GRIP1: variants seen among roughly 807,000 people sequenced by gnomAD.
GRIP1 encodes glutamate receptor-interacting protein 1.
GRIP1 carries 45 observed loss-of-function variants against 129.9 expected under a neutral mutation model. The ratio of observed to expected loss-of-function variants is 0.35; its 90% CI spans 0.27 to 0.44. The LOEUF is 0.44. GRIP1 is among the 20% of genes least tolerant of loss of function. GRIP1 has a pLI of 1.00. For missense variants in GRIP1, 1,196 were observed against 1,396.8 expected (o/e 0.86, Z 2.29); for synonymous variants, 530 against 520.8 (o/e 1.02, Z -0.24).
intron 1 of GRIP1, among the ~76,000 whole-genome samples, chr12:67,031,331 G>A (rs925251099): frequency 6.6e-6 from 1 of 152,146 alleles, no homozygotes; most frequent in African/African-American, 2.4e-5. Context: ...ACAAAATCCT[G>A]TTCCTGTATC....
intron 1 of GRIP1, among the ~76,000 whole-genome samples, chr12:66,993,054 C>T (rs553018314): frequency 1.4e-4 from 21 of 151,310 alleles, no homozygotes; most frequent in African/African-American, 4.4e-4. Flanking sequence ...GCGGACATTG[C>T]AGTGAGCTGA....
intron 1 of GRIP1, among the ~76,000 whole-genome samples, chr12:67,007,714 A>G (rs1046337395): frequency 4.6e-5 from 7 of 152,292 alleles, no homozygotes; most frequent in African/African-American, 1.7e-4. Flanking sequence ...CATCCCTGCC[A>G]CCACAGGAAA....
At chr12:66,382,714 T>A (rs2137413719) in intron 19 of GRIP1, among the ~76,000 whole-genome samples, 1 of 152,242 alleles carries the variant, frequency 6.6e-6, no homozygotes, top group Non-Finnish European at 1.5e-5. Flanking sequence ...CTCTTAAGTA[T>A]CAGATACTAT....
chr12:66,487,198 T>C (rs536816913), intron 7 of GRIP1, among the ~76,000 whole-genome samples: 3 of 152,250 alleles, frequency 2.0e-5, no homozygotes, highest in Admixed American at 2.0e-4. Context: ...TTTACTTCCA[T>C]TGTCAGTACT....
intron 9 of GRIP1, 118 bp from the exon 10 acceptor site, chr12:66,456,460 T>G: frequency 2.1e-6 from 1 of 470,316 alleles, no homozygotes; most frequent in Non-Finnish European, 3.5e-6. Flanking sequence ...AGAAAGCTGC[T>G]TGCAAATAAA....
At chr12:66,977,807 A>ATTTT (rs200381983) in intron 1 of GRIP1, among the ~76,000 whole-genome samples, 10 of 60,274 alleles carry the variant, frequency 1.7e-4, no homozygotes, top group African/African-American at 4.9e-4. Context: ...AGAGCTGAGC[A>ATTTT]TTTTTTTTTT....
At chr12:66,663,051 T>G (rs11176366) in intron 1 of GRIP1, among the ~76,000 whole-genome samples, 42,868 of 152,078 alleles carry the variant, frequency 0.28, 6,481 homozygotes, top group Middle Eastern at 0.4. Context: ...CTAAATGGTA[T>G]AGCATCCCCT....
At chr12:66,765,830 A>T (rs1047483360) in intron 1 of GRIP1, among the ~76,000 whole-genome samples, 6 of 152,212 alleles carry the variant, frequency 3.9e-5, no homozygotes, top group Non-Finnish European at 2.9e-5. Context: ...TATACACTAG[A>T]TTTGGAGGAA....
chr12:66,475,318 G>A (rs1254609378), intron 7 of GRIP1, among the ~76,000 whole-genome samples: 5 of 152,176 alleles, frequency 3.3e-5, no homozygotes, highest in African/African-American at 1.2e-4. Flanking sequence ...GGAGCACCTA[G>A]ATTCATACAG....
At chr12:66,849,375 G>C (rs954644555) in intron 1 of GRIP1, among the ~76,000 whole-genome samples, 13 of 152,078 alleles carry the variant, frequency 8.5e-5, no homozygotes, top group African/African-American at 2.9e-4. Context: ...CACTTATTTT[G>C]AAACATCCTT....
At chr12:66,934,631 G>A (rs2041454926) in intron 1 of GRIP1, among the ~76,000 whole-genome samples, 1 of 152,230 alleles carries the variant, frequency 6.6e-6, no homozygotes, top group Admixed American at 6.5e-5. Flanking sequence ...AAAATAGCAA[G>A]TGAAAAATAC....
chr12:66,501,976 G>T (rs892435657), intron 7 of GRIP1, among the ~76,000 whole-genome samples: 3 of 152,146 alleles, frequency 2.0e-5, no homozygotes, highest in Non-Finnish European at 4.4e-5. Flanking sequence ...ATTAACAAGA[G>T]AAATGATCAA....
At chr12:66,923,866 T>C (rs776183595) in intron 1 of GRIP1, among the ~76,000 whole-genome samples, 3 of 152,074 alleles carry the variant, frequency 2.0e-5, no homozygotes, top group Non-Finnish European at 4.4e-5. Context: ...TTTCTTGAGA[T>C]GGAGTTTCGC....
At chr12:66,419,067 A>G (rs912382439) in intron 15 of GRIP1, among the ~76,000 whole-genome samples, 2 of 152,172 alleles carry the variant, frequency 1.3e-5, no homozygotes, top group African/African-American at 4.8e-5. Context: ...AGATAAATGG[A>G]TAAAAGGAAT....
intron 1 of GRIP1, among the ~76,000 whole-genome samples, chr12:66,621,915 T>C (rs1264585769): frequency 6.6e-6 from 1 of 152,170 alleles, no homozygotes; most frequent in Non-Finnish European, 1.5e-5. Flanking sequence ...TCTTTTCCAG[T>C]CCTTTGCCCA....
Position 66,995,979 on chromosome 12 carries a change from C to T in GRIP1, c.58+73071G>A, listed in dbSNP as rs1047098814. 5.3e-5 allele frequency among the ~76,000 whole-genome samples: 8 copies of T among 152,060 alleles called. No individual in the cohort carries two copies. The East Asian group carries it at 1.2e-3, about 22-fold the overall frequency. On this transcript the variant is annotated intron_variant, in intron 1 of 1. Transcript: ENST00000643019. Reference sequence around the variant, plus strand: ...AAACATAAAATGTGGTATATACATACGATGGAATATTCTTTGGCAATAAAA... The same window carrying T: ...AAACATAAAATGTGGTATATACATATGATGGAATATTCTTTGGCAATAAAA...
At chr12:66,367,180 C>T (rs752892019) in intron 23 of GRIP1, among the ~76,000 whole-genome samples, 17 of 152,112 alleles carry the variant, frequency 1.1e-4, no homozygotes, top group Non-Finnish European at 2.1e-4. Flanking sequence ...AGATCACAGG[C>T]CCCTTATCTG....
chr12:66,744,155 A>G (rs2036873290), intron 1 of GRIP1, among the ~76,000 whole-genome samples: 1 of 152,228 alleles, frequency 6.6e-6, no homozygotes, highest in Non-Finnish European at 1.5e-5. Context: ...ATAAACAAGC[A>G]AATGAGTACA....
At chr12:66,784,763 A>G (rs1947869134) in intron 1 of GRIP1, among the ~76,000 whole-genome samples, 1 of 152,152 alleles carries the variant, frequency 6.6e-6, no homozygotes, top group Non-Finnish European at 1.5e-5. Flanking sequence ...TGGGTTACGC[A>G]TGTTAGCACT....
Sources: gnomAD v4.1 joint callset for allele counts (sites outside exome capture counted in the v4.1 genomes callset) on GRCh38, gnomAD v4.1.1 for gene constraint, MANE v1.5 for transcripts, NCBI Gene and HGNC (gene_info 2026-07-23, HGNC 2026-07-21) for gene names.